The following GADL1 variants were observed in gnomAD, a reference collection of about 807,000 sequenced individuals.
GADL1 encodes the protein GAD like acidic amino acid decarboxylase 1.
A neutral mutation model predicts 69.5 loss-of-function variants in GADL1; 71 were observed. The observed-to-expected ratio is 1.02, with a 90% CI of 0.84 to 1.25. GADL1 has a LOEUF of 1.25. Among genes scored for constraint, GADL1 ranks in the 50% most tolerant of loss-of-function variants. GADL1 has a pLI of 0.00. For synonymous variants in GADL1, 254 were observed against 214.4 expected (o/e 1.18, Z -1.62); for missense variants, 737 against 631.8 (o/e 1.17, Z -1.79).
At chr3:30,747,781 C>T (rs1695730515) in intron 14 of GADL1, among the ~76,000 whole-genome samples, 1 of 152,106 alleles carries the variant, frequency 6.6e-6, no homozygotes, top group Non-Finnish European at 1.5e-5. Context: ...GTCTACTACC[C>T]ATCTGTCACT....
intron 14 of GADL1, among the ~76,000 whole-genome samples, chr3:30,768,602 C>T (rs1696343564): frequency 6.6e-6 from 1 of 151,246 alleles, no homozygotes; most frequent in South Asian, 2.1e-4. Flanking sequence ...GGAAGAGTGG[C>T]GAGACTGGAG....
At chr3:30,836,876 A>T (rs187489056) in intron 9 of GADL1, among the ~76,000 whole-genome samples, 3 of 152,082 alleles carry the variant, frequency 2.0e-5, no homozygotes, top group African/African-American at 7.2e-5. Flanking sequence ...AAGGAAGAGA[A>T]CAGTACTGGA....
intron 14 of GADL1, among the ~76,000 whole-genome samples, chr3:30,754,252 A>T (rs1011105876): frequency 6.6e-6 from 1 of 152,066 alleles, no homozygotes; most frequent in African/African-American, 2.4e-5. Flanking sequence ...CTACCATTTT[A>T]TTTTTTCAAG....
At chr3:30,863,745 C>A (rs1698356081) in intron 1 of GADL1, among the ~76,000 whole-genome samples, 1 of 151,794 alleles carries the variant, frequency 6.6e-6, no homozygotes, top group South Asian at 2.1e-4. Context: ...GTATTTCAAA[C>A]ACTTCTACTC....
At position 30,800,908 on chromosome 3, in the gene GADL1, G is replaced by A. The variant is rs138172857; in HGVS notation, c.1231C>T (p.Arg411Cys). ...GTLGLEERVN[R>C]ALALSRYLVD... ...TAGTACCTAGATAAAGCAAGAGCACGATTAACTCTTTCTTCAAGGCCTAAT... is the reference window on the plus strand; with the variant it reads ...TAGTACCTAGATAAAGCAAGAGCACAATTAACTCTTTCTTCAAGGCCTAAT... Residue 411 changes from arginine (R) to cysteine (C), a missense_variant, in exon 12 of 15, where the codon CGT (arginine) becomes TGT (cysteine). Coordinates refer to ENST00000282538, the MANE Select transcript of GADL1 (RefSeq NM_207359.3). The A allele has an allele frequency of 1.6e-5, 26 of 1,605,782 alleles. No homozygotes were observed. The East Asian group carries it at 1.8e-4, about 11-fold the overall frequency.
Position 30,801,066 on chromosome 3 carries a change from G to A in GADL1, c.1073C>T (p.Ser358Phe). Residue 358 changes from serine (S) to phenylalanine (F), a missense_variant, in exon 12 of 15, where the codon TCT (serine) becomes TTT (phenylalanine). Ser to Phe is a radical substitution (Grantham distance 155). Transcript: ENST00000282538. ...CTGGAAGAGGTAAGATGCCTTGGCAGAGTAGCATTTTTTAAGAAGATCCTT... is the reference window on the plus strand; with the variant it reads ...CTGGAAGAGGTAAGATGCCTTGGCAAAGTAGCATTTTTTAAGAAGATCCTT... ...DKSDLLKKCY[S>F]AKASYLFQQD... is the part of the protein sequence containing the mutation. 6.2e-7 allele frequency: 1 copy of A among 1,613,162 alleles called. No individual in the cohort carries two copies. The highest frequency in any genetic ancestry group is 8.5e-7 in the Non-Finnish European group (1 of 1,179,572).
At chr3:30,828,134 C>T (rs367753001) in intron 11 of GADL1, among the ~76,000 whole-genome samples, 3 of 151,806 alleles carry the variant, frequency 2.0e-5, no homozygotes, top group East Asian at 3.9e-4. Flanking sequence ...AAAGAAATCC[C>T]CACAAAAGCA....
chr3:30,872,033 G>T (rs1424569978), intron 1 of GADL1, among the ~76,000 whole-genome samples: 1 of 151,874 alleles, frequency 6.6e-6, no homozygotes, highest in Non-Finnish European at 1.5e-5. Flanking sequence ...GGCATGACGT[G>T]CTGCAATTGT....
intron 11 of GADL1, among the ~76,000 whole-genome samples, chr3:30,810,406 G>C (rs1697327028): frequency 6.6e-6 from 1 of 151,750 alleles, no homozygotes; most frequent in African/African-American, 2.4e-5. Flanking sequence ...CAGATACATA[G>C]GTAGATATAG....
At chr3:30,800,240 A>T (rs958852148) in intron 12 of GADL1, 1 of 153,324 alleles carries the variant, frequency 6.5e-6, no homozygotes, top group Non-Finnish European at 1.4e-5. Flanking sequence ...GCCTCAATTC[A>T]TGGCGGAAGC....
intron 14 of GADL1, among the ~76,000 whole-genome samples, chr3:30,765,720 G>GT (rs1227357759): frequency 6.6e-6 from 1 of 152,162 alleles, no homozygotes; most frequent in Non-Finnish European, 1.5e-5. Flanking sequence ...GCTTGGAAGG[G>GT]TTGAAACTCA....
intron 9 of GADL1, among the ~76,000 whole-genome samples, chr3:30,838,648 TGAA>T (rs1400299403): frequency 6.6e-6 from 1 of 152,116 alleles, no homozygotes; most frequent in African/African-American, 2.4e-5. Flanking sequence ...AAGATCGCAA[TGAA>T]GAAGAGGCAG....
intron 14 of GADL1, among the ~76,000 whole-genome samples, chr3:30,733,199 T>C (rs886705727): frequency 6.6e-6 from 1 of 152,188 alleles, no homozygotes; most frequent in South Asian, 2.1e-4. Flanking sequence ...TTTGTTTATT[T>C]TTAAGTTCAA....
intron 9 of GADL1, among the ~76,000 whole-genome samples, chr3:30,834,536 C>A (rs1389687661): frequency 6.6e-6 from 1 of 152,048 alleles, no homozygotes; most frequent in Non-Finnish European, 1.5e-5. Context: ...TATTAACCAA[C>A]TGAGCTATGT....
In GADL1 at chr3:30,753,581, C is replaced by T. The variant is rs562319357; in HGVS notation, c.1392+24598G>A. Among the ~76,000 whole-genome samples the T allele has an allele frequency of 4.0e-5, 6 of 150,270 alleles. No homozygotes were observed. The South Asian group carries it at 1.1e-3, about 27-fold the overall frequency. On this transcript the variant is annotated intron_variant, in intron 14 of 14. Coordinates refer to ENST00000282538, the MANE Select transcript of GADL1 (RefSeq NM_207359.3). ...TCATTGAGCTCTTTCAAACAAGCGT[C>T]GGAAGACCAACAGACTTAAAGATAA...
At chr3:30,768,035 A>ACCC (rs147317208) in intron 14 of GADL1, among the ~76,000 whole-genome samples, 2 of 142,760 alleles carry the variant, frequency 1.4e-5, no homozygotes, top group African/African-American at 2.7e-5. Flanking sequence ...AACTCCCCAT[A>ACCC]CCCCCCCCCC....
chr3:30,894,606 G>A lies in GADL1; in HGVS notation c.9C>T (p.Ser3=), dbSNP rs373606322. The A allele has an allele frequency of 3.9e-6, 6 of 1,550,898 alleles. No homozygotes were observed. Among genetic ancestry groups the A allele is most frequent in the South Asian group, 1.2e-5 (1 of 83,982 alleles). Residue 3 remains serine (S), a synonymous_variant, in exon 1 of 15, where the codon AGC becomes AGT. Coordinates refer to ENST00000282538, the MANE Select transcript of GADL1 (RefSeq NM_207359.3). ...CCACAGGACACTGGCGGTCCGAGTC[G>A]CTGCTCATCTCCGCTCCCCCACTCC... The part of the protein sequence containing the change: MS[S]DSDRQCPVDG...
chr3:30,885,750 C>A (rs1382956751), intron 1 of GADL1, among the ~76,000 whole-genome samples: 1 of 151,460 alleles, frequency 6.6e-6, no homozygotes, highest in African/African-American at 2.4e-5. Context: ...TTATTTTATA[C>A]ATTTTTTATA....
At position 30,848,299 on chromosome 3, in the gene GADL1, C is replaced by T. The variant is rs1245558793; in HGVS notation, c.651+1697G>A. On this transcript the variant is annotated intron_variant, in intron 6 of 14. Transcript: ENST00000282538. ...CAGGCTAGATGATTCCTCCCAGTTG[C>T]CTCCTGTCACTCAACTCCCACTTTG... Among the ~76,000 whole-genome samples the T allele has an allele frequency of 3.9e-5, 6 of 152,152 alleles. No individual in the cohort carries two copies. In the East Asian group the frequency reaches 1.2e-3, roughly 29 times the overall value.
Sources: allele counts gnomAD v4.1 joint callset (sites outside exome capture counted in the v4.1 genomes callset), GRCh38; gene constraint gnomAD v4.1.1; transcripts MANE v1.5; gene names NCBI Gene and HGNC (gene_info 2026-07-23, HGNC 2026-07-21).